PHKG2: variants seen among roughly 807,000 people sequenced by gnomAD.
The protein encoded by PHKG2 is phosphorylase b kinase gamma catalytic chain, liver/testis isoform.
In PHKG2, 28 loss-of-function variants were observed where a neutral mutation model predicts 44.5. The observed-to-expected ratio is 0.63, with a 90% confidence interval of 0.47 to 0.86. The LOEUF (loss-of-function observed/expected upper bound fraction) is 0.86, where lower values mean the gene tolerates loss of function less well. PHKG2 is among the 40% of genes least tolerant of loss of function. The pLI is 0.00. For synonymous variants in PHKG2, 220 were observed against 211.2 expected (o/e 1.04, Z -0.36); for missense variants, 498 against 547.5 (o/e 0.91, Z 0.90).
rs2053635271 is a variant in PHKG2 at position 30,759,942 on chromosome 16, CGAAGCTTAT to C, written c.*2846_*2854del. On this transcript the variant is annotated 3_prime_UTR_variant, in exon 10 of 10. Transcript: ENST00000563588. ...CAAGACAGACAAGGTCCTGCCCTTACGAAGCTTATATTCTAGGGGAATAAACCAAGAAAT... is the reference window on the plus strand; with the variant it reads ...CAAGACAGACAAGGTCCTGCCCTTACATTCTAGGGGAATAAACCAAGAAAT... 1 of 1,441,620 alleles carries C rather than the reference CGAAGCTTAT, an allele frequency of 6.9e-7. No individual in the cohort carries two copies. Among genetic ancestry groups the C allele is most frequent in the African/African-American group, 1.4e-5 (1 of 69,796 alleles). The allele number at this position is 1,441,620 out of a possible 1,614,324, so 89.3% of individuals were successfully genotyped here.
rs1056409727 is a variant in PHKG2 at position 30,757,975 on chromosome 16, G to A, written c.*878G>A. 3 of 355,950 alleles carry A rather than the reference G, an allele frequency of 8.4e-6. No homozygotes were observed. Among genetic ancestry groups the A allele is most frequent in the African/African-American group, 6.4e-5 (3 of 46,580 alleles). 22.0% of individuals were successfully genotyped at this position (355,950 alleles called of 1,614,324 possible). A position where few individuals can be genotyped will look rare whatever the true frequency, so the allele number is the denominator to read the frequency against. On this transcript the variant is annotated 3_prime_UTR_variant, in exon 10 of 10. Transcript: ENST00000563588. ...TACCTAGCACATAGGATTGAGGGAG[G>A]ATTAAATGAGTTAATTTATGTAAAA...
Position 30,757,556 on chromosome 16 carries a change from C to T in PHKG2, c.*459C>T. 6.2e-7 allele frequency: 1 copy of T among 1,614,250 alleles called. No homozygotes were observed. Among genetic ancestry groups the T allele is most frequent in the Non-Finnish European group, 8.5e-7 (1 of 1,180,048 alleles). ...GCAGTCAACTTGCTGCTGAGCCTTT[C>T]CTCGCTGGCCTTGAGCCGCTCCTCC... On this transcript the variant is annotated 3_prime_UTR_variant, in exon 10 of 10. Transcript: ENST00000563588.
rs2053350064 is a variant in PHKG2 at position 30,751,850 on chromosome 16, T to C, written c.326+247T>C. ...GGCTCACGCCTGTAATCCCAGCACTTTGGGAGGCCGAGGCGGGTGGATCAT... is the reference window on the plus strand; with the variant it reads ...GGCTCACGCCTGTAATCCCAGCACTCTGGGAGGCCGAGGCGGGTGGATCAT... On this transcript the variant is annotated intron_variant, in intron 4 of 9. Coordinates refer to ENST00000563588, the MANE Select transcript of PHKG2 (RefSeq NM_000294.3). The C allele has an allele frequency of 2.4e-5, 12 of 494,704 alleles. No homozygotes were observed. In the East Asian group the frequency reaches 4.5e-4, roughly 19 times the overall value. The allele number at this position is 494,704 out of a possible 1,614,324, so 30.6% of individuals were successfully genotyped here. A position where few individuals can be genotyped will look rare whatever the true frequency, so the allele number is the denominator to read the frequency against.
rs137853592 is a variant in PHKG2, at chr16:30,756,396, T to G, written c.677T>G (p.Leu226Arg). 8.1e-6 allele frequency: 13 copies of G among 1,614,092 alleles called. No homozygotes were observed. The highest frequency in any genetic ancestry group is 1.1e-5 in the Non-Finnish European group (13 of 1,180,032). Reference sequence around the variant, plus strand: ...GCCTGTGGGGTGATCTTGTTCACACTCCTGGCTGGCTCGCCACCCTTCTGG... The same window carrying G: ...GCCTGTGGGGTGATCTTGTTCACACGCCTGGCTGGCTCGCCACCCTTCTGG... ...LWACGVILFT[L>R]LAGSPPFWHR... The change falls in exon 8 of 10, where the codon CTC becomes CGC. Residue 226 changes from leucine to arginine, a missense_variant. Leu to Arg is a moderately radical substitution (Grantham distance 102, BLOSUM62 -2). Coordinates refer to ENST00000563588, the MANE Select transcript of PHKG2 (RefSeq NM_000294.3).
rs1361477644 is a variant in PHKG2, at chr16:30,761,007, CTT to C, written c.*3916_*3917del. On this transcript the variant is annotated 3_prime_UTR_variant, in exon 10 of 10. Coordinates refer to ENST00000563588, the MANE Select transcript of PHKG2 (RefSeq NM_000294.3). ...CTCCATTTACATTCTGTCTTTGGCTCTTTTTTTCTCACACTGCCTCCTCTTTG... is the reference window on the plus strand; with the variant it reads ...CTCCATTTACATTCTGTCTTTGGCTCTTTTTCTCACACTGCCTCCTCTTTG... 3.1e-6 allele frequency: 2 copies of C among 653,928 alleles called. No individual in the cohort carries two copies. Among genetic ancestry groups the C allele is most frequent in the East Asian group, 2.7e-5 (1 of 36,712 alleles). The allele number at this position is 653,928 out of a possible 1,614,324, so 40.5% of individuals were successfully genotyped here.
intron 3 of PHKG2, 106 bp downstream of exon 3, chr16:30,751,387 C>G (rs2053341780): frequency 7.3e-7 from 1 of 1,364,188 alleles, no homozygotes; most frequent in Non-Finnish European, 1.0e-6. Flanking sequence ...CTCCTCCCTT[C>G]ATTCCACTAA....
In PHKG2 at chr16:30,756,728, G is replaced by C. The variant is rs371298131; in HGVS notation, c.927+13G>C. The C allele has an allele frequency of 4.3e-6, 7 of 1,613,986 alleles. No homozygotes were observed. The African/African-American group carries it at 9.3e-5, about 22-fold the overall frequency. On this transcript the variant is annotated intron_variant, in intron 9 of 9. Transcript: ENST00000563588. ...CCAGCGGTTCCGGGTAAGCCTGAGTGTATCAGGGTCTGGGCCCGTTTCTCT... is the reference window on the plus strand; with the variant it reads ...CCAGCGGTTCCGGGTAAGCCTGAGTCTATCAGGGTCTGGGCCCGTTTCTCT...
chr16:30,757,680 G>A lies in PHKG2; in HGVS notation c.*583G>A, dbSNP rs57192967. 3,575 of 1,590,524 alleles carry A rather than the reference G, an allele frequency of 2.2e-3. 67 individuals carry two copies. In the African/African-American group the frequency reaches 0.043, roughly 19 times the overall value. ...CTGCAGGGGCAGGGAAGAAGGGGCA[G>A]GGTGAGGAGAGATGCTGTCTGGCAA... On this transcript the variant is annotated 3_prime_UTR_variant, in exon 10 of 10. Transcript: ENST00000563588.
rs895276720 is a variant in PHKG2, at chr16:30,758,754, G to A, written c.*1657G>A. On this transcript the variant is annotated 3_prime_UTR_variant, in exon 10 of 10. Transcript: ENST00000563588. ...TATTTTAGTAGATAGGGGGTTTCACGGTGTTGCCCAGGCTGGTCGCGAACT... is the reference window on the plus strand; with the variant it reads ...TATTTTAGTAGATAGGGGGTTTCACAGTGTTGCCCAGGCTGGTCGCGAACT... The A allele has an allele frequency of 3.7e-5, 19 of 520,228 alleles. No homozygotes were observed. Among genetic ancestry groups the A allele is most frequent in the African/African-American group, 1.9e-4 (10 of 51,886 alleles). 32.2% of individuals were successfully genotyped at this position (520,228 alleles called of 1,614,324 possible).
rs565882864 is a variant in PHKG2, at chr16:30,759,059, G to A, written c.*1962G>A. On this transcript the variant is annotated 3_prime_UTR_variant, in exon 10 of 10. Transcript: ENST00000563588. Reference sequence around the variant, plus strand: ...CACTGTCTCTAGTTCCTCTTTCTGCGGGGTAACTGCCTGCTCCTCCATCTC... The same window carrying A: ...CACTGTCTCTAGTTCCTCTTTCTGCAGGGTAACTGCCTGCTCCTCCATCTC... 252 of 1,614,152 alleles carry A rather than the reference G, an allele frequency of 1.6e-4. 4 individuals carry two copies. The South Asian group carries it at 2.4e-3, about 16-fold the overall frequency.
Position 30,761,141 on chromosome 16 carries a change from TGG to T in PHKG2, c.*4047_*4048del, listed in dbSNP as rs367805411. 2 of 1,591,058 alleles carry T rather than the reference TGG, an allele frequency of 1.3e-6. No homozygotes were observed. Among genetic ancestry groups the T allele is most frequent in the Non-Finnish European group, 1.7e-6 (2 of 1,162,360 alleles). On this transcript the variant is annotated 3_prime_UTR_variant, in exon 10 of 10. Coordinates refer to ENST00000563588, the MANE Select transcript of PHKG2 (RefSeq NM_000294.3). ...ATGCCCTGGCCACAGACAGGACTGT[TGG>T]GGAGACAATAAAGAACGCAAATATT...
intron 6 of PHKG2, among the ~76,000 whole-genome samples, chr16:30,754,466 G>A (rs889848885): frequency 1.3e-5 from 2 of 152,160 alleles, no homozygotes; most frequent in African/African-American, 2.4e-5. Context: ...TGCCTTGTCG[G>A]CACCAGTCTT....
Position 30,758,549 on chromosome 16 carries a change from TTTTGTTTG to T in PHKG2, c.*1468_*1475del, listed in dbSNP as rs537559274. 3.4e-5 allele frequency: 7 copies of T among 206,358 alleles called. No homozygotes were observed. The highest frequency in any genetic ancestry group is 6.9e-5 in the Non-Finnish European group (7 of 101,370). 12.8% of individuals were successfully genotyped at this position (206,358 alleles called of 1,614,324 possible). A position where few individuals can be genotyped will look rare whatever the true frequency, so the allele number is the denominator to read the frequency against. On this transcript the variant is annotated 3_prime_UTR_variant, in exon 10 of 10. Transcript: ENST00000563588. ...TCTCTGGAGCCACTTCAGCTGTGCT[TTTTGTTTG>T]TTTGTTTGTTTGTTTTGAGACAGAG... is the stretch of plus-strand genomic sequence containing the variant.
At chr16:30,752,246 A>G in intron 4 of PHKG2, among the ~76,000 whole-genome samples, 1 of 137,430 alleles carries the variant, frequency 7.3e-6, no homozygotes. Flanking sequence ...AAAATACAAA[A>G]AATTGGCCAG....
At position 30,760,220 on chromosome 16, in the gene PHKG2, C is replaced by T; in HGVS notation, c.*3123C>T. On this transcript the variant is annotated 3_prime_UTR_variant, in exon 10 of 10. Coordinates refer to ENST00000563588, the MANE Select transcript of PHKG2 (RefSeq NM_000294.3). ...ATCCCCTGCTTCTGCTTCCCATGGT[C>T]ACTTGTGCCAGGCCCGGTTCCTCTT... is the stretch of plus-strand genomic sequence containing the variant. The T allele has an allele frequency of 6.2e-7, 1 of 1,612,568 alleles. No homozygotes were observed.
chr16:30,753,646 G>T, intron 6 of PHKG2, 89 bp downstream of exon 6: 1 of 1,326,050 alleles, frequency 7.5e-7, no homozygotes. Context: ...CAAGTCCCTG[G>T]TGCCAAGAAA....
rs1377400649 is a variant in PHKG2 at position 30,759,282 on chromosome 16, G to A, written c.*2185G>A. ...AAGGCAGAGGGAGGCTGAAAGGAGT[G>A]CACCTGTGCTGAGGGGAGGGGCGGT... On this transcript the variant is annotated 3_prime_UTR_variant, in exon 10 of 10. Transcript: ENST00000563588. The A allele has an allele frequency of 4.3e-6, 7 of 1,613,738 alleles. No individual in the cohort carries two copies. The highest frequency in any genetic ancestry group is 4.2e-6 in the Non-Finnish European group (5 of 1,179,690).
chr16:30,757,210 A>G lies in PHKG2; in HGVS notation c.*113A>G, dbSNP rs1247553848. On this transcript the variant is annotated 3_prime_UTR_variant, in exon 10 of 10. Coordinates refer to ENST00000563588, the MANE Select transcript of PHKG2 (RefSeq NM_000294.3). ...CCTCAGGCCCACTAATGATCCTGCT[A>G]CCCTCTTGAAGACCAGCCCGGTACC... is the stretch of plus-strand genomic sequence containing the variant. 3.8e-6 allele frequency: 6 copies of G among 1,590,708 alleles called. No individual in the cohort carries two copies. In the Admixed American group the frequency reaches 6.9e-5, roughly 18 times the overall value.
intron 6 of PHKG2, chr16:30,754,936 G>C (rs1232299359): frequency 2.2e-6 from 1 of 454,774 alleles, no homozygotes; most frequent in South Asian, 1.6e-5. Flanking sequence ...GTGCAACTTG[G>C]CATTCAAGAA....
Sources: allele counts gnomAD v4.1 joint callset (sites outside exome capture counted in the v4.1 genomes callset), GRCh38; gene constraint gnomAD v4.1.1; transcripts MANE v1.5; gene names NCBI Gene and HGNC (gene_info 2026-07-23, HGNC 2026-07-21).